The following TRAPPC13 variants were observed in gnomAD, a reference collection of about 807,000 sequenced individuals.
TRAPPC13 encodes trafficking protein particle complex subunit 13.
A neutral mutation model predicts 54.0 loss-of-function variants in TRAPPC13; 39 were observed. The ratio of observed to expected loss-of-function variants is 0.72; its 90% CI spans 0.56 to 0.94. The LOEUF is 0.94. Ranked by LOEUF, TRAPPC13 falls within the 40% of genes least tolerant of loss-of-function variation. The pLI is 0.00. For synonymous variants in TRAPPC13, 148 were observed against 167.7 expected (o/e 0.88, Z 0.91); for missense variants, 386 against 488.1 (o/e 0.79, Z 1.97).
chr5:65,628,504 G>A (rs1478563578), intron 1 of TRAPPC13, among the ~76,000 whole-genome samples: 1 of 149,876 alleles, frequency 6.7e-6, no homozygotes, highest in Non-Finnish European at 1.5e-5. Flanking sequence ...CTGTCACCCA[G>A]GCTGGAGTGC....
At chr5:65,652,851 G>C in intron 7 of TRAPPC13, 1 of 362,704 alleles carries the variant, frequency 2.8e-6, no homozygotes, top group Non-Finnish European at 5.1e-6. Context: ...GCAATCTGTT[G>C]AATATTTACA....
chr5:65,654,024 G>C (rs1304850498), intron 7 of TRAPPC13, among the ~76,000 whole-genome samples: 1 of 152,088 alleles, frequency 6.6e-6, no homozygotes, highest in Admixed American at 6.5e-5. Flanking sequence ...TAGGGCAATA[G>C]GTGGGTTATT....
At chr5:65,629,627 A>G (rs1196947104) in intron 1 of TRAPPC13, 1 of 1,535,886 alleles carries the variant, frequency 6.5e-7, no homozygotes, top group African/African-American at 1.4e-5. Flanking sequence ...ACCATGTGAG[A>G]GTGATCCCAC....
chr5:65,645,507 T>A (rs560455942), intron 4 of TRAPPC13, among the ~76,000 whole-genome samples: 1 of 152,082 alleles, frequency 6.6e-6, no homozygotes, highest in East Asian at 1.9e-4. Flanking sequence ...TAGAATTAAC[T>A]GCAAAACTGT....
intron 1 of TRAPPC13, among the ~76,000 whole-genome samples, chr5:65,632,156 G>A (rs921632638): frequency 1.3e-5 from 2 of 151,984 alleles, no homozygotes; most frequent in African/African-American, 4.8e-5. Flanking sequence ...GGGGGTAGGG[G>A]GTGGGTCTGA....
intron 11 of TRAPPC13, chr5:65,662,917 T>G (rs1333285529): frequency 1.3e-5 from 2 of 152,144 alleles, no homozygotes; most frequent in African/African-American, 4.8e-5. Context: ...GCCTTCTCCA[T>G]CATAGAAAAT....
chr5:65,628,680 C>A (rs111708175), intron 1 of TRAPPC13, among the ~76,000 whole-genome samples: 4,284 of 151,522 alleles, frequency 0.028, 200 homozygotes, highest in African/African-American at 0.091. Context: ...CCATGTTGGC[C>A]AGGCTGGTCT....
At chr5:65,635,675 C>CT (rs1181608542) in intron 2 of TRAPPC13, among the ~76,000 whole-genome samples, 109 of 150,248 alleles carry the variant, frequency 7.3e-4, no homozygotes, top group African/African-American at 1.6e-3. Flanking sequence ...TTAGCATTCC[C>CT]TTTTTTTTTT....
At chr5:65,651,516 ACTTAGAGTAGACTGAG>A (rs1300339726) in intron 6 of TRAPPC13, among the ~76,000 whole-genome samples, 1 of 152,188 alleles carries the variant, frequency 6.6e-6, no homozygotes, top group African/African-American at 2.4e-5. Flanking sequence ...GAGACAATTG[ACTTAGAGTAGACTGAG>A]CTTCCTTCAA....
At position 65,659,293 on chromosome 5, in the gene TRAPPC13, A is replaced by G. The variant is rs536576187; in HGVS notation, c.698+792A>G. ...AAATATATAACATGTATCCACCATT[A>G]CTATATTATGCAAAATAGTTTCACT... On this transcript the variant is annotated intron_variant, in intron 9 of 12. Transcript: ENST00000399438. 3.9e-5 allele frequency among the ~76,000 whole-genome samples: 6 copies of G among 152,350 alleles called. No individual in the cohort carries two copies. In the South Asian group the frequency reaches 1.2e-3, roughly 32 times the overall value.
chr5:65,651,951 C>T (rs1466558295), intron 6 of TRAPPC13, among the ~76,000 whole-genome samples: 1 of 141,160 alleles, frequency 7.1e-6, no homozygotes, highest in Non-Finnish European at 1.5e-5. Flanking sequence ...GCAGCCTCCG[C>T]CTTGTGGGTG....
At chr5:65,658,566 T>C (rs1581232630) in intron 9 of TRAPPC13, 65 bp downstream of exon 9, 1 of 1,374,240 alleles carries the variant, frequency 7.3e-7, no homozygotes, top group Non-Finnish European at 9.6e-7. Flanking sequence ...TAAACATCCA[T>C]TGCTCTTCAG....
At chr5:65,645,562 T>A (rs1756159609) in intron 4 of TRAPPC13, among the ~76,000 whole-genome samples, 1 of 152,292 alleles carries the variant, frequency 6.6e-6, no homozygotes, top group East Asian at 1.9e-4. Flanking sequence ...CCCAGCACTT[T>A]GGGAGGCCGA....
At chr5:65,632,737 C>A (rs1417374175) in intron 1 of TRAPPC13, among the ~76,000 whole-genome samples, 1 of 152,154 alleles carries the variant, frequency 6.6e-6, no homozygotes, top group African/African-American at 2.4e-5. Flanking sequence ...ATGCCTGGCG[C>A]TAGTAAATGC....
intron 1 of TRAPPC13, chr5:65,629,412 G>T: frequency 7.9e-7 from 1 of 1,266,186 alleles, no homozygotes; most frequent in South Asian, 2.8e-5. Flanking sequence ...CTCCCTGCCT[G>T]TTGGTAGGCA....
chr5:65,645,947 T>G (rs1378156400), intron 4 of TRAPPC13, among the ~76,000 whole-genome samples: 2 of 152,240 alleles, frequency 1.3e-5, no homozygotes, highest in Non-Finnish European at 2.9e-5. Context: ...CTTGGAAGTT[T>G]TATCATAAAT....
At chr5:65,655,492 T>G in intron 7 of TRAPPC13, 144 bp from the exon 8 acceptor site, 1 of 269,892 alleles carries the variant, frequency 3.7e-6, no homozygotes, top group Admixed American at 5.5e-5. Flanking sequence ...TTTATGTTGC[T>G]TCCTGTTTAC....
intron 3 of TRAPPC13, among the ~76,000 whole-genome samples, chr5:65,637,175 A>G (rs887336016): frequency 1.3e-5 from 2 of 152,216 alleles, no homozygotes; most frequent in Non-Finnish European, 2.9e-5. Context: ...AGGCCAAGAT[A>G]TATCATGTTC....
intron 1 of TRAPPC13, among the ~76,000 whole-genome samples, chr5:65,628,903 T>C (rs1040665868): frequency 3.3e-5 from 5 of 151,576 alleles, no homozygotes; most frequent in African/African-American, 1.2e-4. Context: ...CTGCAACCTC[T>C]GGCTCCCAGG....
Sources: gnomAD v4.1 joint callset for allele counts (sites outside exome capture counted in the v4.1 genomes callset) on GRCh38, gnomAD v4.1.1 for gene constraint, MANE v1.5 for transcripts, NCBI Gene and HGNC (gene_info 2026-07-23, HGNC 2026-07-21) for gene names.